GSK3B: variants seen among roughly 807,000 people sequenced by gnomAD.
The protein encoded by GSK3B is glycogen synthase kinase 3 beta.
GSK3B carries 15 observed loss-of-function variants against 56.4 expected under a neutral mutation model. That is an observed-to-expected ratio of 0.27 (90% CI 0.18 to 0.41). The LOEUF is 0.41. Ranked by LOEUF, GSK3B falls within the 10% of genes least tolerant of loss-of-function variation. The pLI, the probability that GSK3B is intolerant of heterozygous loss-of-function variation, is 1.00. For synonymous variants in GSK3B, 181 were observed against 188.9 expected (o/e 0.96, Z 0.34); for missense variants, 300 against 513.4 (o/e 0.58, Z 4.02).
intron 2 of GSK3B, among the ~76,000 whole-genome samples, chr3:120,000,193 G>T (rs563684253): frequency 3.9e-5 from 6 of 152,254 alleles, no homozygotes; most frequent in African/African-American, 1.2e-4. Context: ...ATGAGCAAAT[G>T]GAACAGTCTG....
At chr3:119,834,469 C>A (rs1243315597) in intron 10 of GSK3B, among the ~76,000 whole-genome samples, 1 of 152,160 alleles carries the variant, frequency 6.6e-6, no homozygotes, top group Non-Finnish European at 1.5e-5. Context: ...CAACCCCATC[C>A]ACCAGGATAC....
intron 1 of GSK3B, among the ~76,000 whole-genome samples, chr3:120,008,649 T>C (rs1181669094): frequency 6.6e-6 from 1 of 152,148 alleles, no homozygotes; most frequent in Non-Finnish European, 1.5e-5. Context: ...AAAAACTGGC[T>C]AGCCATGTGC....
intron 2 of GSK3B, among the ~76,000 whole-genome samples, chr3:119,949,896 A>T (rs995957835): frequency 1.3e-5 from 2 of 151,986 alleles, no homozygotes; most frequent in African/African-American, 2.4e-5. Context: ...GTTTTTTTTA[A>T]CCTATTAAGT....
At chr3:119,954,290 AATAG>A (rs2057189338) in intron 2 of GSK3B, among the ~76,000 whole-genome samples, 2 of 130,970 alleles carry the variant, frequency 1.5e-5, no homozygotes, top group Admixed American at 1.5e-4. Flanking sequence ...AATAGAATAG[AATAG>A]AATAGAATAG....
intron 1 of GSK3B, among the ~76,000 whole-genome samples, chr3:120,052,536 G>C (rs2058159274): frequency 6.6e-6 from 1 of 152,098 alleles, no homozygotes. Flanking sequence ...GTAATTCTAG[G>C]TTATTTTTTA....
At chr3:119,983,410 C>A (rs750646257) in intron 2 of GSK3B, among the ~76,000 whole-genome samples, 1 of 151,684 alleles carries the variant, frequency 6.6e-6, no homozygotes, top group African/African-American at 2.4e-5. Flanking sequence ...CACAGATTGG[C>A]AAATTGGATA....
At chr3:119,853,085 T>G (rs558689020) in intron 9 of GSK3B, among the ~76,000 whole-genome samples, 1 of 152,388 alleles carries the variant, frequency 6.6e-6, no homozygotes, top group Non-Finnish European at 1.5e-5. Context: ...TAATCCATCT[T>G]GAATTAATTT....
At chr3:119,968,455 C>A (rs114087968) in intron 2 of GSK3B, among the ~76,000 whole-genome samples, 2,776 of 152,232 alleles carry the variant, frequency 0.018, 93 homozygotes, top group African/African-American at 0.064. Context: ...TTATACATCA[C>A]GAGCAAGTGA....
intron 3 of GSK3B, among the ~76,000 whole-genome samples, chr3:119,946,761 A>G (rs1055675926): frequency 2.6e-5 from 4 of 152,172 alleles, no homozygotes; most frequent in Admixed American, 2.0e-4. Flanking sequence ...AGACATAGGG[A>G]TCACTTAAAG....
chr3:120,083,182 T>C (rs1008639653), intron 1 of GSK3B, among the ~76,000 whole-genome samples: 4 of 152,174 alleles, frequency 2.6e-5, no homozygotes, highest in Non-Finnish European at 5.9e-5. Context: ...CCAGGTATAT[T>C]TATCAAACAG....
intron 7 of GSK3B, among the ~76,000 whole-genome samples, chr3:119,890,169 A>G (rs952086958): frequency 1.3e-5 from 2 of 152,124 alleles, no homozygotes; most frequent in Non-Finnish European, 2.9e-5. Context: ...TATGTCTGCA[A>G]AAACACCTGT....
intron 9 of GSK3B, among the ~76,000 whole-genome samples, chr3:119,862,539 A>G (rs73175838): frequency 6.7e-6 from 1 of 149,164 alleles, no homozygotes; most frequent in Non-Finnish European, 1.5e-5. Flanking sequence ...AAAAAAAAAA[A>G]AAAAGAAAGA....
chr3:120,048,011 T>C (rs931640099), intron 1 of GSK3B, among the ~76,000 whole-genome samples: 7 of 152,246 alleles, frequency 4.6e-5, no homozygotes, highest in African/African-American at 1.7e-4. Flanking sequence ...TCCTCTTGAT[T>C]ACCACAATTG....
At chr3:120,016,843 G>A (rs1364675169) in intron 1 of GSK3B, among the ~76,000 whole-genome samples, 1 of 152,142 alleles carries the variant, frequency 6.6e-6, no homozygotes, top group African/African-American at 2.4e-5. Context: ...GGAATCAAGT[G>A]TATTTTCCTT....
intron 8 of GSK3B, among the ~76,000 whole-genome samples, chr3:119,869,475 T>G (rs2056226339): frequency 6.6e-6 from 1 of 152,182 alleles, no homozygotes; most frequent in Non-Finnish European, 1.5e-5. Context: ...CATAATTTTC[T>G]AAGCCTTTTC....
intron 10 of GSK3B, among the ~76,000 whole-genome samples, chr3:119,832,735 G>A (rs762612792): frequency 2.6e-5 from 4 of 152,140 alleles, no homozygotes; most frequent in Admixed American, 1.3e-4. Context: ...AAGCAAATTG[G>A]CACATGTATT....
intron 2 of GSK3B, among the ~76,000 whole-genome samples, chr3:119,947,883 AAAAAG>A (rs1474678814): frequency 1.1e-4 from 17 of 151,870 alleles, no homozygotes; most frequent in Middle Eastern, 3.4e-3. Flanking sequence ...AAAAAAAAAA[AAAAAG>A]AAAGAAAAGA....
intron 6 of GSK3B, among the ~76,000 whole-genome samples, chr3:119,907,128 G>A (rs2056690311): frequency 6.6e-6 from 1 of 152,026 alleles, no homozygotes; most frequent in Admixed American, 6.6e-5. Context: ...CGGAAAAGAT[G>A]TATCTCCTTA....
intron 2 of GSK3B, among the ~76,000 whole-genome samples, chr3:119,978,111 T>C (rs2057424368): frequency 6.6e-6 from 1 of 152,096 alleles, no homozygotes; most frequent in African/African-American, 2.4e-5. Flanking sequence ...AATAAGAAAC[T>C]GCCTAAATCC....
Sources: gnomAD v4.1 joint callset for allele counts (sites outside exome capture counted in the v4.1 genomes callset) on GRCh38, gnomAD v4.1.1 for gene constraint, MANE v1.5 for transcripts, NCBI Gene and HGNC (gene_info 2026-07-23, HGNC 2026-07-21) for gene names.